Variants in TRPM3 observed in about 807,000 individuals in gnomAD.
The protein encoded by TRPM3 is long transient receptor potential channel 3.
Under a neutral mutation model 181.2 loss-of-function variants are expected in TRPM3, and 77 were observed. The ratio of observed to expected loss-of-function variants is 0.42; its 90% CI spans 0.35 to 0.51. The LOEUF (loss-of-function observed/expected upper bound fraction) is 0.51. Ranked by LOEUF, TRPM3 falls within the 20% of genes least tolerant of loss-of-function variation. TRPM3 has a pLI of 0.01. For synonymous variants in TRPM3, 745 were observed against 796.4 expected (o/e 0.94, Z 1.09); for missense variants, 1,759 against 2,196.7 (o/e 0.80, Z 3.98).
chr9:71,141,019 A>G (rs2134542163), intron 1 of TRPM3, among the ~76,000 whole-genome samples: 1 of 152,314 alleles, frequency 6.6e-6, no homozygotes, highest in Middle Eastern at 3.4e-3. Context: ...TTATGTGTTC[A>G]TTCATGTTGA....
intron 1 of TRPM3, among the ~76,000 whole-genome samples, chr9:70,946,625 T>C (rs1357482351): frequency 1.3e-5 from 2 of 152,136 alleles, no homozygotes; most frequent in African/African-American, 4.8e-5. Context: ...TCTATATCAA[T>C]GAATTTTCAC....
chr9:71,302,675 G>C (rs998523026), intron 1 of TRPM3, among the ~76,000 whole-genome samples: 1 of 152,118 alleles, frequency 6.6e-6, no homozygotes, highest in African/African-American at 2.4e-5. Flanking sequence ...ATTTGTAAGA[G>C]CTAGTCTTTG....
chr9:70,573,820 CAGCCAGCACTTTAGGGCAAACAGCCTGGA>C (rs1186307420), intron 22 of TRPM3, among the ~76,000 whole-genome samples: 6 of 152,078 alleles, frequency 3.9e-5, no homozygotes, highest in African/African-American at 9.7e-5. Context: ...CAGGTCCTAA[CAGCCAGCACTTTAGGGCAAACAGCCTGGA>C]AGCCAGCACT....
At chr9:71,184,663 G>A (rs938039784) in intron 1 of TRPM3, among the ~76,000 whole-genome samples, 17 of 152,100 alleles carry the variant, frequency 1.1e-4, no homozygotes, top group Admixed American at 9.8e-4. Context: ...TTACGAAGGA[G>A]GCAAAACATT....
At chr9:71,210,432 G>C (rs977943716) in intron 1 of TRPM3, among the ~76,000 whole-genome samples, 1 of 152,062 alleles carries the variant, frequency 6.6e-6, no homozygotes, top group Non-Finnish European at 1.5e-5. Flanking sequence ...AACCCTCCCT[G>C]ACCCACTCCC....
chr9:70,602,293 C>T (rs1029136697), intron 20 of TRPM3, among the ~76,000 whole-genome samples: 1 of 152,104 alleles, frequency 6.6e-6, no homozygotes, highest in African/African-American at 2.4e-5. Flanking sequence ...CTAACAGATA[C>T]TGCATCTTTT....
chr9:70,536,921 T>G lies in TRPM3; in HGVS notation c.4192A>C (p.Thr1398Pro). The change falls in exon 26 of 26, where the codon ACC becomes CCC. Residue 1398 changes from threonine to proline, a missense_variant. By Grantham distance (38) the Thr-to-Pro change is conservative. Coordinates refer to ENST00000677713, the MANE Select transcript of TRPM3 (RefSeq NM_001366145.2). ...CTGGAATCAGGAACAATGGCCAAGG[T>G]GTTGGCAGGGGCTGCAGGAGCTTTG... is the stretch of plus-strand genomic sequence containing the variant. ...EPKAPAAPAN[T>P]LAIVPDSRRP... The G allele has an allele frequency of 6.2e-7, 1 of 1,614,134 alleles. No homozygotes were observed. Among genetic ancestry groups the G allele is most frequent in the Non-Finnish European group, 8.5e-7 (1 of 1,180,014 alleles).
chr9:71,198,554 G>T (rs1222574444), intron 1 of TRPM3, among the ~76,000 whole-genome samples: 1 of 152,130 alleles, frequency 6.6e-6, no homozygotes, highest in Admixed American at 6.5e-5. Context: ...TCATTGAGCA[G>T]TAGTTTGTAG....
chr9:70,897,829 T>G (rs1008466990), intron 1 of TRPM3, among the ~76,000 whole-genome samples: 15 of 152,318 alleles, frequency 9.8e-5, no homozygotes, highest in Admixed American at 2.6e-4. Flanking sequence ...ATTGTTGTAA[T>G]AGCGCATTGG....
At chr9:71,402,154 TTGC>T (rs2093352623) in intron 1 of TRPM3, among the ~76,000 whole-genome samples, 1 of 152,218 alleles carries the variant, frequency 6.6e-6, no homozygotes, top group Admixed American at 6.5e-5. Flanking sequence ...GCCTGGCACT[TTGC>T]TGCTTACTTT....
chr9:70,868,297 G>T (rs1008434076), intron 1 of TRPM3, among the ~76,000 whole-genome samples: 2 of 151,944 alleles, frequency 1.3e-5, no homozygotes, highest in African/African-American at 4.8e-5. Flanking sequence ...ATAATTAAAA[G>T]ACATCATATT....
rs114072635 is a variant in TRPM3, at chr9:71,301,283, T to C, written c.183+145370A>G. Among the ~76,000 whole-genome samples, 205 of 152,304 alleles carry C rather than the reference T, an allele frequency of 1.3e-3. 1 individual carries two copies. Among genetic ancestry groups the C allele is most frequent in the African/African-American group, 4.7e-3 (195 of 41,576 alleles). On this transcript the variant is annotated intron_variant, in intron 1 of 24. Coordinates refer to the TRPM3 transcript ENST00000357533. ...ATGTTTGGGGACCTGAATGGTATTA[T>C]GAGTAATTTTGTACTGTATAGATAG... is the stretch of plus-strand genomic sequence containing the variant.
At chr9:71,280,518 A>AAAAAG (rs532521619) in intron 1 of TRPM3, among the ~76,000 whole-genome samples, 13 of 152,118 alleles carry the variant, frequency 8.5e-5, no homozygotes, top group East Asian at 3.8e-4. Context: ...TCTCAGAAAA[A>AAAAAG]AAAAGAAAAG....
At chr9:70,611,184 G>T (rs2061942624) in intron 18 of TRPM3, among the ~76,000 whole-genome samples, 1 of 152,166 alleles carries the variant, frequency 6.6e-6, no homozygotes, top group Admixed American at 6.5e-5. Context: ...AAGGTAAATT[G>T]GACCAGCATA....
At chr9:71,226,858 A>T (rs1322184796) in intron 1 of TRPM3, among the ~76,000 whole-genome samples, 1 of 152,032 alleles carries the variant, frequency 6.6e-6, no homozygotes, top group Non-Finnish European at 1.5e-5. Flanking sequence ...CAACAACAAA[A>T]AATCAAACTT....
intron 1 of TRPM3, among the ~76,000 whole-genome samples, chr9:71,429,305 C>A (rs1218132462): frequency 2.0e-5 from 3 of 152,264 alleles, no homozygotes; most frequent in Non-Finnish European, 2.9e-5. Context: ...ATTTCCTCCA[C>A]TTTTCAAGAC....
chr9:70,564,282 C>T (rs1437336401), intron 22 of TRPM3, among the ~76,000 whole-genome samples: 1 of 152,136 alleles, frequency 6.6e-6, no homozygotes, highest in East Asian at 1.9e-4. Context: ...ATAAGTTACT[C>T]TTTCAGATTT....
chr9:70,784,864 T>C (rs1364095780), intron 6 of TRPM3, among the ~76,000 whole-genome samples: 1 of 152,136 alleles, frequency 6.6e-6, no homozygotes, highest in Non-Finnish European at 1.5e-5. Context: ...AGACTGATTA[T>C]TAATTTTTTG....
intron 8 of TRPM3, among the ~76,000 whole-genome samples, chr9:70,690,269 C>G (rs1189128850): frequency 2.0e-5 from 3 of 152,100 alleles, no homozygotes; most frequent in Admixed American, 2.0e-4. Context: ...TAGAAATATT[C>G]TCATAGCTAT....
Sources: gnomAD v4.1 joint callset for allele counts (sites outside exome capture counted in the v4.1 genomes callset) on GRCh38, gnomAD v4.1.1 for gene constraint, MANE v1.5 for transcripts, NCBI Gene and HGNC (gene_info 2026-07-23, HGNC 2026-07-21) for gene names.